The following OPCML variants were observed in gnomAD, a reference collection of about 807,000 sequenced individuals.
OPCML encodes the protein opioid-binding protein/cell adhesion molecule.
In OPCML, 13 loss-of-function variants were observed where a neutral mutation model predicts 37.8. The observed-to-expected ratio is 0.34, with a 90% CI of 0.22 to 0.55. OPCML has a LOEUF of 0.55. OPCML is among the 20% of genes least tolerant of loss of function. OPCML has a pLI of 0.91. For missense variants in OPCML, 341 were observed against 435.6 expected (o/e 0.78, Z 1.93); for synonymous variants, 176 against 168.8 (o/e 1.04, Z -0.33).
intron 3 of OPCML, among the ~76,000 whole-genome samples, chr11:132,614,915 C>T (rs1228540030): frequency 6.6e-6 from 1 of 152,226 alleles, no homozygotes; most frequent in Non-Finnish European, 1.5e-5. Flanking sequence ...CACTTTCTAA[C>T]TTTTGCCACT....
intron 1 of OPCML, chr11:133,004,248 A>G (rs1422956413): frequency 3.0e-6 from 3 of 985,346 alleles, no homozygotes; most frequent in Non-Finnish European, 1.2e-6. Context: ...TGGGGACGTA[A>G]CTGCCTCCTT....
intron 2 of OPCML, among the ~76,000 whole-genome samples, chr11:132,670,879 C>G (rs1389294073): frequency 6.6e-6 from 1 of 151,726 alleles, no homozygotes; most frequent in Non-Finnish European, 1.5e-5. Flanking sequence ...GTGTTCATCT[C>G]TCCATCTACA....
chr11:133,102,790 C>CA lies in OPCML; in HGVS notation c.62-159781dup, dbSNP rs562017556. Among the ~76,000 whole-genome samples the CA allele has an allele frequency of 1.4e-4, 21 of 151,266 alleles. No homozygotes were observed. In the East Asian group the frequency reaches 3.1e-3, roughly 22 times the overall value. On this transcript the variant is annotated intron_variant, in intron 1 of 7. Transcript: ENST00000524381. The stretch of plus-strand genomic sequence containing the variant: ...AAACAAAAACAAACAACAACAACAA[C>CA]AAAAAAAACTATGCCAAATTTGATT...
chr11:132,446,722 T>C (rs994765116), intron 4 of OPCML, among the ~76,000 whole-genome samples: 3 of 152,144 alleles, frequency 2.0e-5, no homozygotes, highest in African/African-American at 7.2e-5. Flanking sequence ...TAAAGTGAAA[T>C]GAGTTCTGAG....
chr11:133,325,145 C>T (rs909341196), intron 1 of OPCML, among the ~76,000 whole-genome samples: 2 of 152,208 alleles, frequency 1.3e-5, no homozygotes, highest in African/African-American at 2.4e-5. Flanking sequence ...CGTCACTAGA[C>T]TCCCTTCCTA....
At chr11:133,487,126 C>T (rs2120402497) in intron 1 of OPCML, among the ~76,000 whole-genome samples, 1 of 152,170 alleles carries the variant, frequency 6.6e-6, no homozygotes, top group East Asian at 1.9e-4. Flanking sequence ...TTGTAAGGTA[C>T]TAGAATAAGC....
intron 2 of OPCML, among the ~76,000 whole-genome samples, chr11:132,766,519 C>G (rs1304895914): frequency 6.6e-6 from 1 of 152,150 alleles, no homozygotes; most frequent in African/African-American, 2.4e-5. Flanking sequence ...ACAAACTCTT[C>G]TCCTGGAACC....
chr11:133,409,008 G>A (rs971368510), intron 1 of OPCML, among the ~76,000 whole-genome samples: 10 of 152,180 alleles, frequency 6.6e-5, no homozygotes, highest in African/African-American at 2.4e-4. Flanking sequence ...CAGACTTCCT[G>A]GGTGTCTCTG....
intron 4 of OPCML, among the ~76,000 whole-genome samples, chr11:132,495,102 G>C (rs1349548055): frequency 6.6e-6 from 1 of 151,320 alleles, no homozygotes; most frequent in Non-Finnish European, 1.5e-5. Context: ...AGCTTATCTG[G>C]ATATTCATTT....
At chr11:133,144,294 A>G (rs549306260) in intron 1 of OPCML, among the ~76,000 whole-genome samples, 1 of 152,234 alleles carries the variant, frequency 6.6e-6, no homozygotes, top group South Asian at 2.1e-4. Context: ...CTGCCTGCAC[A>G]GGCCCTGAGC....
At chr11:132,976,507 A>G (rs1013121706) in intron 1 of OPCML, among the ~76,000 whole-genome samples, 1 of 152,304 alleles carries the variant, frequency 6.6e-6, no homozygotes, top group South Asian at 2.1e-4. Flanking sequence ...GAGGCCAAGG[A>G]TGAGGTTAGC....
At chr11:132,443,401 G>T (rs2096043329) in intron 4 of OPCML, among the ~76,000 whole-genome samples, 1 of 152,216 alleles carries the variant, frequency 6.6e-6, no homozygotes, top group Non-Finnish European at 1.5e-5. Flanking sequence ...GGCTCACATG[G>T]TTGGGTTTCT....
intron 2 of OPCML, among the ~76,000 whole-genome samples, chr11:132,844,208 C>A (rs1341830102): frequency 6.6e-6 from 1 of 152,178 alleles, no homozygotes; most frequent in Non-Finnish European, 1.5e-5. Context: ...CCTTTTTATT[C>A]TGTAAATTGC....
intron 1 of OPCML, among the ~76,000 whole-genome samples, chr11:133,134,046 T>C (rs1411528989): frequency 6.6e-6 from 1 of 152,128 alleles, no homozygotes; most frequent in African/African-American, 2.4e-5. Flanking sequence ...TAATACAGGC[T>C]CCTGTATCAT....
chr11:133,361,709 G>C (rs35246154), intron 1 of OPCML: 101,721 of 155,734 alleles, frequency 0.65, 36,754 homozygotes, highest in East Asian at 0.86. Context: ...AGCGCCTAGA[G>C]AGCCACGCCG....
At chr11:133,504,597 C>T (rs1272061065) in intron 1 of OPCML, among the ~76,000 whole-genome samples, 2 of 152,178 alleles carry the variant, frequency 1.3e-5, no homozygotes, top group African/African-American at 4.8e-5. Flanking sequence ...CTGGACAGAG[C>T]CAGCCACGGG....
At chr11:132,502,383 C>T (rs1025973283) in intron 4 of OPCML, among the ~76,000 whole-genome samples, 1 of 152,154 alleles carries the variant, frequency 6.6e-6, no homozygotes, top group Admixed American at 6.5e-5. Context: ...ATTAATAGTG[C>T]CTCCTGGCCA....
intron 1 of OPCML, among the ~76,000 whole-genome samples, chr11:133,448,759 G>C (rs1442685815): frequency 6.6e-6 from 1 of 152,128 alleles, no homozygotes; most frequent in Non-Finnish European, 1.5e-5. Context: ...ACCCAGTCCA[G>C]AAATGTCTAG....
intron 1 of OPCML, chr11:133,006,281 C>A (rs746102214): frequency 1.8e-5 from 9 of 501,010 alleles, no homozygotes; most frequent in Non-Finnish European, 2.3e-5. Context: ...GGACTCTGGC[C>A]TGGTGAGAGA....
Sources: allele counts gnomAD v4.1 joint callset (sites outside exome capture counted in the v4.1 genomes callset), GRCh38; gene constraint gnomAD v4.1.1; transcripts MANE v1.5; gene names NCBI Gene and HGNC (gene_info 2026-07-23, HGNC 2026-07-21).